ELOC: variants seen among roughly 807,000 people sequenced by gnomAD.
ELOC encodes elongin-C.
For synonymous variants in ELOC, 40 were observed against 51.3 expected (o/e 0.78, Z 0.94); for missense variants, 38 against 139.0 (o/e 0.27, Z 3.65).
rs562339182 is a variant in ELOC at position 73,968,347 on chromosome 8, C to T, written c.-51+3730G>A. ...GCTTCCCATGTTTATTACCCAGAGT[C>T]GCCCTCCCACAACACAGAACTTAAG... On this transcript the variant is annotated intron_variant, in intron 1 of 3. Transcript: ENST00000520242. Among the ~76,000 whole-genome samples, 16 of 152,300 alleles carry T rather than the reference C, an allele frequency of 1.1e-4. No homozygotes were observed. The East Asian group carries it at 2.3e-3, about 22-fold the overall frequency.
intron 1 of ELOC, 118 bp from the exon 2 acceptor site, chr8:73,959,936 G>A (rs924996408): frequency 2.7e-5 from 12 of 452,820 alleles, no homozygotes; most frequent in African/African-American, 2.0e-4. Context: ...GTTACATTAC[G>A]AGCTCACCAT....
At chr8:73,957,356 TA>T (rs1814264159) in intron 2 of ELOC, among the ~76,000 whole-genome samples, 1 of 152,170 alleles carries the variant, frequency 6.6e-6, no homozygotes, top group Admixed American at 6.5e-5. Flanking sequence ...AGTAGCCAGA[TA>T]TATATAGAGT....
rs191946091 is a variant in ELOC at position 73,953,737 on chromosome 8, C to T, written c.148+2174G>A. Reference sequence around the variant, plus strand: ...TATACAAACTGGAACCCTAGGACACCGTTGGTAGAAATGTAAAACAATTCA... The same window carrying T: ...TATACAAACTGGAACCCTAGGACACTGTTGGTAGAAATGTAAAACAATTCA... On this transcript the variant is annotated intron_variant, in intron 3 of 3. Transcript: ENST00000520242. Among the ~76,000 whole-genome samples the T allele has an allele frequency of 3.8e-3, 573 of 151,984 alleles. 2 individuals carry two copies. Among genetic ancestry groups the T allele is most frequent in the Non-Finnish European group, 6.2e-3 (421 of 67,978 alleles).
At chr8:73,952,594 C>T (rs911726992) in intron 3 of ELOC, among the ~76,000 whole-genome samples, 1 of 150,054 alleles carries the variant, frequency 6.7e-6, no homozygotes, top group Non-Finnish European at 1.5e-5. Context: ...TCCCGGCTAA[C>T]ACAGTGAAAC....
chr8:73,947,872 GC>G (rs1428116948), intron 3 of ELOC, among the ~76,000 whole-genome samples: 3 of 152,168 alleles, frequency 2.0e-5, no homozygotes, highest in Non-Finnish European at 4.4e-5. Flanking sequence ...CTTGCACCTG[GC>G]CAACATTAAA....
chr8:73,948,053 G>A (rs1449778425), intron 3 of ELOC, among the ~76,000 whole-genome samples: 5 of 152,054 alleles, frequency 3.3e-5, no homozygotes, highest in African/African-American at 9.7e-5. Flanking sequence ...TTAGCTGGCC[G>A]TGGTGGTGAG....
At chr8:73,954,518 G>GTC (rs1409463816) in intron 3 of ELOC, among the ~76,000 whole-genome samples, 1 of 151,966 alleles carries the variant, frequency 6.6e-6, no homozygotes, top group African/African-American at 2.4e-5. Flanking sequence ...AGCCTGGCGT[G>GTC]TGGTGGGCAC....
chr8:73,970,320 C>T (rs1019140588), intron 1 of ELOC, among the ~76,000 whole-genome samples: 1 of 152,086 alleles, frequency 6.6e-6, no homozygotes, highest in African/African-American at 2.4e-5. Flanking sequence ...ACCAAAAAAA[C>T]CAAGATAAAC....
At chr8:73,967,489 C>G (rs1164670045) in intron 1 of ELOC, among the ~76,000 whole-genome samples, 1 of 137,104 alleles carries the variant, frequency 7.3e-6, no homozygotes, top group African/African-American at 2.7e-5. Flanking sequence ...TTTTTTGAGA[C>G]AGAGTTTCGC....
chr8:73,951,536 T>G (rs1282845587), intron 3 of ELOC, among the ~76,000 whole-genome samples: 1 of 151,698 alleles, frequency 6.6e-6, no homozygotes, highest in African/African-American at 2.4e-5. Flanking sequence ...TTCCAGCTAC[T>G]CAGGAGGTTG....
At chr8:73,953,256 A>C (rs1178407823) in intron 3 of ELOC, among the ~76,000 whole-genome samples, 2 of 152,068 alleles carry the variant, frequency 1.3e-5, no homozygotes, top group African/African-American at 2.4e-5. Context: ...CGGTGAGTGG[A>C]GACTGTGCCA....
chr8:73,961,082 A>C (rs1814558429), intron 1 of ELOC, among the ~76,000 whole-genome samples: 1 of 152,246 alleles, frequency 6.6e-6, no homozygotes, highest in African/African-American at 2.4e-5. Flanking sequence ...AGTGGTTAAA[A>C]ATGTACAAGT....
At chr8:73,964,217 C>T (rs924156893) in intron 1 of ELOC, among the ~76,000 whole-genome samples, 1 of 116,038 alleles carries the variant, frequency 8.6e-6, no homozygotes, top group Non-Finnish European at 1.7e-5. Context: ...TGGTGGGCTA[C>T]AGTTGTTTCA....
At chr8:73,955,876 T>C (rs1283198582) in intron 3 of ELOC, 35 bp downstream of exon 3, 8 of 1,568,226 alleles carry the variant, frequency 5.1e-6, no homozygotes, top group Non-Finnish European at 6.9e-6. Flanking sequence ...ACATTAAAAG[T>C]GAATATATGA....
In ELOC at chr8:73,948,835, ACAAGCAAGCAAG is replaced by A. The variant is rs149713108; in HGVS notation, c.149-2027_149-2016del. ...GGGCAAGACAGAGACCCTGTCACTC[ACAAGCAAGCAAG>A]CAAGCAAGCAAGCAAGCAAGCAAGC... is the stretch of plus-strand genomic sequence containing the variant. On this transcript the variant is annotated intron_variant, in intron 3 of 3. Transcript: ENST00000520242. 4.5e-3 allele frequency among the ~76,000 whole-genome samples: 680 copies of A among 150,362 alleles called. 2 individuals carry two copies. Among genetic ancestry groups the A allele is most frequent in the African/African-American group, 0.012 (507 of 40,804 alleles).
At chr8:73,949,535 T>G (rs1330807844) in intron 3 of ELOC, among the ~76,000 whole-genome samples, 1 of 152,154 alleles carries the variant, frequency 6.6e-6, no homozygotes, top group Non-Finnish European at 1.5e-5. Flanking sequence ...AACCCGATAA[T>G]CCATTAAGCA....
intron 1 of ELOC, among the ~76,000 whole-genome samples, chr8:73,960,880 G>A (rs1814542079): frequency 6.6e-6 from 1 of 152,126 alleles, no homozygotes; most frequent in African/African-American, 2.4e-5. Flanking sequence ...GGATGGCTGA[G>A]GCAGGAGTAC....
intron 2 of ELOC, 146 bp from the exon 3 acceptor site, chr8:73,956,200 G>A: frequency 1.5e-6 from 1 of 665,350 alleles, no homozygotes; most frequent in South Asian, 2.3e-5. Flanking sequence ...AGACCAGCCT[G>A]GTCAAACAAG....
intron 3 of ELOC, among the ~76,000 whole-genome samples, chr8:73,950,731 T>C (rs1376549313): frequency 3.3e-5 from 5 of 152,086 alleles, no homozygotes; most frequent in Admixed American, 6.6e-5. Flanking sequence ...CTTAGAAAAA[T>C]GTATCAGAGT....
Sources: allele counts gnomAD v4.1 joint callset (sites outside exome capture counted in the v4.1 genomes callset), GRCh38; gene constraint gnomAD v4.1.1; transcripts MANE v1.5; gene names NCBI Gene and HGNC (gene_info 2026-07-23, HGNC 2026-07-21).